Variants in TMEM131 observed in about 807,000 individuals in gnomAD.
The protein encoded by TMEM131 is transmembrane protein 131.
Under a neutral mutation model 211.6 loss-of-function variants are expected in TMEM131, and 66 were observed. The observed-to-expected ratio is 0.31, with a 90% CI of 0.26 to 0.38. TMEM131 has a LOEUF of 0.38. TMEM131 is among the 10% of genes least tolerant of loss of function. The pLI is 1.00. For synonymous variants in TMEM131, 844 were observed against 841.3 expected (o/e 1.00, Z -0.06); for missense variants, 2,036 against 2,299.3 (o/e 0.89, Z 2.34).
rs1040077562 is a variant in TMEM131, at chr2:97,855,393, T to G, written c.483+3911A>C. 6.6e-5 allele frequency among the ~76,000 whole-genome samples: 10 copies of G among 152,322 alleles called. No homozygotes were observed. The South Asian group carries it at 2.1e-3, about 32-fold the overall frequency. On this transcript the variant is annotated intron_variant, in intron 5 of 40. Transcript: ENST00000186436. ...CCCAAATAAATATACACAGATTTTT[T>G]GCTTTTAATAAAAATGGCATTATAG...
At chr2:97,846,966 G>A (rs1047195230) in intron 5 of TMEM131, among the ~76,000 whole-genome samples, 1 of 150,344 alleles carries the variant, frequency 6.7e-6, no homozygotes, top group African/African-American at 2.5e-5. Flanking sequence ...GGATCACAAG[G>A]TCAACAGATT....
chr2:97,977,983 A>T (rs577357790), intron 1 of TMEM131, among the ~76,000 whole-genome samples: 10 of 152,270 alleles, frequency 6.6e-5, no homozygotes, highest in African/African-American at 1.9e-4. Context: ...GCTACTCGGG[A>T]GGTCATGGCA....
At chr2:97,916,916 T>G (rs1676531483) in intron 2 of TMEM131, among the ~76,000 whole-genome samples, 1 of 152,202 alleles carries the variant, frequency 6.6e-6, no homozygotes, top group Non-Finnish European at 1.5e-5. Flanking sequence ...CCAATAAATA[T>G]GACTTATATT....
intron 1 of TMEM131, among the ~76,000 whole-genome samples, chr2:97,990,861 A>G (rs2104681323): frequency 6.6e-6 from 1 of 152,354 alleles, no homozygotes; most frequent in East Asian, 1.9e-4. Context: ...ATACAGCTTA[A>G]AACAAAAATT....
chr2:97,973,021 C>T (rs1193296400), intron 1 of TMEM131, among the ~76,000 whole-genome samples: 1 of 152,162 alleles, frequency 6.6e-6, no homozygotes, highest in Admixed American at 6.5e-5. Flanking sequence ...GCCTGTGAGA[C>T]TCACTACATA....
chr2:97,959,004 C>A (rs1214038813), intron 1 of TMEM131, among the ~76,000 whole-genome samples: 1 of 152,100 alleles, frequency 6.6e-6, no homozygotes, highest in African/African-American at 2.4e-5. Context: ...CAAAGACTAT[C>A]CCACAGAGAA....
chr2:97,844,262 C>A lies in TMEM131; in HGVS notation c.484-1G>T. 1 of 1,177,836 alleles carries A rather than the reference C, an allele frequency of 8.5e-7. No individual in the cohort carries two copies. The highest frequency in any genetic ancestry group is 2.6e-5 in the South Asian group (1 of 38,400). The allele number at this position is 1,177,836 out of a possible 1,614,324, so 73.0% of individuals were successfully genotyped here. On this transcript the variant is annotated splice_acceptor_variant, in intron 5 of 40. Transcript: ENST00000186436. LOFTEE classifies it high-confidence loss of function. ...ATGTATTTCCTCCTGGAAGAATTTT[C>A]TGAAACAGAAAATAAAGTTAAATTT... is the stretch of plus-strand genomic sequence containing the variant.
chr2:97,825,136 TA>T (rs1489099092), intron 11 of TMEM131, among the ~76,000 whole-genome samples: 2 of 152,222 alleles, frequency 1.3e-5, no homozygotes, highest in Admixed American at 1.3e-4. Context: ...GCCAAGGGTT[TA>T]GGGATAGCCC....
At chr2:97,968,874 G>T (rs187225584) in intron 1 of TMEM131, among the ~76,000 whole-genome samples, 253 of 152,098 alleles carry the variant, frequency 1.7e-3, no homozygotes, top group Non-Finnish European at 3.1e-3. Flanking sequence ...TTAGAGGTCT[G>T]GAGTTCGAGA....
chr2:97,931,609 G>T (rs918027314), intron 1 of TMEM131, among the ~76,000 whole-genome samples: 1 of 152,098 alleles, frequency 6.6e-6, no homozygotes, highest in African/African-American at 2.4e-5. Flanking sequence ...GCCATATTGT[G>T]GGGGGTGGTA....
At chr2:97,906,366 A>G (rs559940370) in intron 3 of TMEM131, among the ~76,000 whole-genome samples, 28 of 152,358 alleles carry the variant, frequency 1.8e-4, no homozygotes, top group African/African-American at 6.7e-4. Flanking sequence ...CTGGTCACAC[A>G]CACACAAAAT....
At chr2:97,975,473 A>G (rs773949467) in intron 1 of TMEM131, among the ~76,000 whole-genome samples, 72 of 152,186 alleles carry the variant, frequency 4.7e-4, no homozygotes, top group Non-Finnish European at 1.2e-4. Flanking sequence ...TATTCAAAAG[A>G]TAGTAAGGGA....
At chr2:97,976,960 C>CAAAAAAA (rs34708023) in intron 1 of TMEM131, among the ~76,000 whole-genome samples, 1 of 112,182 alleles carries the variant, frequency 8.9e-6, no homozygotes. Context: ...TATTTATATG[C>CAAAAAAA]AAAAAAAAAA....
chr2:97,829,628 G>A (rs931289530), intron 11 of TMEM131, among the ~76,000 whole-genome samples: 9 of 152,176 alleles, frequency 5.9e-5, no homozygotes, highest in African/African-American at 1.7e-4. Flanking sequence ...CCCCTTCCAC[G>A]CTGTGGAAGC....
chr2:97,933,595 C>T (rs1310121690), intron 1 of TMEM131, among the ~76,000 whole-genome samples: 1 of 151,908 alleles, frequency 6.6e-6, no homozygotes, highest in Non-Finnish European at 1.5e-5. Context: ...GTTATAAATG[C>T]TGAATTTTAT....
In TMEM131 at chr2:97,837,061, C is replaced by T; in HGVS notation, c.804+16G>A. 2 of 1,610,366 alleles carry T rather than the reference C, an allele frequency of 1.2e-6. No individual in the cohort carries two copies. The highest frequency in any genetic ancestry group is 1.7e-6 in the Non-Finnish European group (2 of 1,177,242). On this transcript the variant is annotated intron_variant, in intron 8 of 40. Coordinates refer to ENST00000186436, the MANE Select transcript of TMEM131 (RefSeq NM_015348.2). Reference sequence around the variant, plus strand: ...TCATGGGAGCACACACAAGAGAAAACTAGGTTACAACTCACCCACAGTTTT... The same window carrying T: ...TCATGGGAGCACACACAAGAGAAAATTAGGTTACAACTCACCCACAGTTTT...
intron 1 of TMEM131, among the ~76,000 whole-genome samples, chr2:97,954,806 C>CAAAAAAAAAAAAAAAAAAA (rs778680522): frequency 1.1e-4 from 4 of 37,036 alleles, no homozygotes; most frequent in Non-Finnish European, 1.9e-4. Context: ...AACTCCATCT[C>CAAAAAAAAAAAAAAAAAAA]AAAAAAAAAA....
intron 13 of TMEM131, 118 bp downstream of exon 13, chr2:97,815,081 A>G (rs1271647182): frequency 1.9e-6 from 1 of 520,972 alleles, no homozygotes; most frequent in Admixed American, 4.2e-5. Flanking sequence ...GTTCTTTCAA[A>G]AAATAATTCC....
intron 4 of TMEM131, among the ~76,000 whole-genome samples, chr2:97,875,946 G>A (rs1674676052): frequency 6.6e-6 from 1 of 152,050 alleles, no homozygotes; most frequent in Admixed American, 6.5e-5. Context: ...TTTTTGAAAA[G>A]GTCAACAAAA....
Sources: gnomAD v4.1 joint callset for allele counts (sites outside exome capture counted in the v4.1 genomes callset) on GRCh38, gnomAD v4.1.1 for gene constraint, MANE v1.5 for transcripts, NCBI Gene and HGNC (gene_info 2026-07-23, HGNC 2026-07-21) for gene names.